Variants in HCN1 observed in about 807,000 individuals in gnomAD.
HCN1 encodes hyperpolarization activated cyclic nucleotide gated potassium channel 1, also known as potassium/sodium hyperpolarization-activated cyclic nucleotide-gated channel 1.
Under a neutral mutation model 78.9 loss-of-function variants are expected in HCN1, and 13 were observed. That is an observed-to-expected ratio of 0.16 (90% confidence interval 0.11 to 0.26). The LOEUF is 0.26. HCN1 is among the 10% of genes least tolerant of loss of function. The pLI, the probability that HCN1 is intolerant of heterozygous loss-of-function variation, is 1.00. For missense variants in HCN1, 810 were observed against 1,154.3 expected (o/e 0.70, Z 4.32); for synonymous variants, 552 against 455.5 (o/e 1.21, Z -2.70).
At chr5:45,362,629 A>G (rs1021843906) in intron 4 of HCN1, among the ~76,000 whole-genome samples, 6 of 152,052 alleles carry the variant, frequency 3.9e-5, no homozygotes, top group African/African-American at 1.2e-4. Context: ...TTTTACTCAT[A>G]TTTACCTACT....
chr5:45,688,354 T>C (rs986682892), intron 1 of HCN1, among the ~76,000 whole-genome samples: 1 of 152,126 alleles, frequency 6.6e-6, no homozygotes, highest in Admixed American at 6.6e-5. Context: ...TCTTACTATC[T>C]ATCTATGTCA....
chr5:45,684,174 T>C (rs1285322928), intron 1 of HCN1, among the ~76,000 whole-genome samples: 1 of 152,164 alleles, frequency 6.6e-6, no homozygotes, highest in African/African-American at 2.4e-5. Context: ...AATAAATGCA[T>C]GGGTCAGAGG....
At chr5:45,277,259 C>G (rs964037529) in intron 6 of HCN1, among the ~76,000 whole-genome samples, 7 of 151,966 alleles carry the variant, frequency 4.6e-5, no homozygotes, top group Non-Finnish European at 7.4e-5. Context: ...GCATATTTAT[C>G]TATAGTCAGT....
intron 3 of HCN1, among the ~76,000 whole-genome samples, chr5:45,408,894 C>T (rs13175193): frequency 0.49 from 74,914 of 151,898 alleles, 19,658 homozygotes; most frequent in African/African-American, 0.67. Context: ...AACAAAGTAG[C>T]TGCCTAATGC....
intron 6 of HCN1, among the ~76,000 whole-genome samples, chr5:45,287,894 C>T (rs781468597): frequency 7.2e-5 from 11 of 152,158 alleles, no homozygotes; most frequent in East Asian, 1.9e-4. Context: ...CTGGCCCTTT[C>T]GCTTATGCTA....
intron 2 of HCN1, among the ~76,000 whole-genome samples, chr5:45,607,216 A>C (rs542078829): frequency 5.3e-4 from 80 of 151,980 alleles, no homozygotes; most frequent in African/African-American, 1.6e-3. Flanking sequence ...ATTTTCAAAA[A>C]TATCAAATGA....
intron 6 of HCN1, among the ~76,000 whole-genome samples, chr5:45,269,252 A>C (rs1056431038): frequency 6.6e-6 from 1 of 152,234 alleles, no homozygotes; most frequent in Non-Finnish European, 1.5e-5. Context: ...TGGTAAATTT[A>C]CTTAAAGATA....
At chr5:45,559,614 G>T (rs1344743363) in intron 2 of HCN1, 1 of 152,198 alleles carries the variant, frequency 6.6e-6, no homozygotes, top group Non-Finnish European at 1.5e-5. Flanking sequence ...ATATCATGAT[G>T]CAACTTGAGA....
intron 4 of HCN1, among the ~76,000 whole-genome samples, chr5:45,370,409 C>T (rs1011011144): frequency 5.9e-5 from 9 of 151,848 alleles, no homozygotes; most frequent in Non-Finnish European, 1.2e-4. Flanking sequence ...GGGTCAGAAA[C>T]ATTGGGCATA....
In HCN1 at chr5:45,259,752, A is replaced by G; in HGVS notation, c.*2169T>C. 1 of 152,582 alleles carries G rather than the reference A, an allele frequency of 6.6e-6. No individual in the cohort carries two copies. The highest frequency in any genetic ancestry group is 1.5e-5 in the Non-Finnish European group (1 of 67,964). The allele number at this position is 152,582 out of a possible 1,614,324, so 9.5% of individuals were successfully genotyped here. Reference sequence around the variant, plus strand: ...ACCAAAAATTTATATATATAAAAATATTTCACTACCAAATCCATTAATCCT... The same window carrying G: ...ACCAAAAATTTATATATATAAAAATGTTTCACTACCAAATCCATTAATCCT... On this transcript the variant is annotated 3_prime_UTR_variant, in exon 8 of 8. Coordinates refer to ENST00000303230, the MANE Select transcript of HCN1 (RefSeq NM_021072.4).
intron 4 of HCN1, among the ~76,000 whole-genome samples, chr5:45,371,834 T>A (rs1463216315): frequency 7.7e-6 from 1 of 130,604 alleles, no homozygotes; most frequent in East Asian, 2.1e-4. Flanking sequence ...CTACTATTTA[T>A]ATTATATATA....
intron 2 of HCN1, among the ~76,000 whole-genome samples, chr5:45,627,669 C>T (rs1245494736): frequency 6.6e-6 from 1 of 152,088 alleles, no homozygotes; most frequent in Non-Finnish European, 1.5e-5. Context: ...AAATAATTTC[C>T]TTCTTTATAA....
intron 6 of HCN1, among the ~76,000 whole-genome samples, chr5:45,300,395 C>G (rs1188366408): frequency 1.3e-5 from 2 of 151,974 alleles, no homozygotes; most frequent in Non-Finnish European, 2.9e-5. Context: ...TCCTTCTCCT[C>G]TTCATCCTAC....
chr5:45,485,696 G>T (rs1741742553), intron 2 of HCN1, among the ~76,000 whole-genome samples: 1 of 152,122 alleles, frequency 6.6e-6, no homozygotes, highest in African/African-American at 2.4e-5. Context: ...GAGGAAAGTT[G>T]TCAAAAGATA....
At chr5:45,599,783 C>T (rs936607204) in intron 2 of HCN1, among the ~76,000 whole-genome samples, 3 of 151,414 alleles carry the variant, frequency 2.0e-5, no homozygotes, top group Non-Finnish European at 2.9e-5. Flanking sequence ...TAAGTTGTCT[C>T]TGCAGGATGA....
At chr5:45,685,480 G>A (rs887912883) in intron 1 of HCN1, among the ~76,000 whole-genome samples, 8 of 152,160 alleles carry the variant, frequency 5.3e-5, no homozygotes, top group African/African-American at 1.7e-4. Context: ...TTAGGAGGCC[G>A]AGCCGGGCGG....
intron 2 of HCN1, among the ~76,000 whole-genome samples, chr5:45,552,111 T>C (rs1253167227): frequency 6.6e-6 from 1 of 151,928 alleles, no homozygotes; most frequent in East Asian, 1.9e-4. Flanking sequence ...AGCAGATTCA[T>C]CCTCAAATTT....
chr5:45,537,374 G>T, intron 2 of HCN1, among the ~76,000 whole-genome samples: 1 of 148,744 alleles, frequency 6.7e-6, no homozygotes. Context: ...GAAAATCCTG[G>T]TACACAGCTG....
intron 2 of HCN1, among the ~76,000 whole-genome samples, chr5:45,587,200 T>C (rs945732309): frequency 6.6e-6 from 1 of 152,164 alleles, no homozygotes; most frequent in Non-Finnish European, 1.5e-5. Flanking sequence ...CATTACTGGG[T>C]ATATACCCAA....
Sources: allele counts gnomAD v4.1 joint callset (sites outside exome capture counted in the v4.1 genomes callset), GRCh38; gene constraint gnomAD v4.1.1; transcripts MANE v1.5; gene names NCBI Gene and HGNC (gene_info 2026-07-23, HGNC 2026-07-21).